The following SLC41A3 variants were observed in gnomAD, a reference collection of about 807,000 sequenced individuals.
The protein encoded by SLC41A3 is solute carrier family 41 member 3.
Under a neutral mutation model 45.4 loss-of-function variants are expected in SLC41A3, and 44 were observed. That is an observed-to-expected ratio of 0.97 (90% CI 0.76 to 1.25). The LOEUF (loss-of-function observed/expected upper bound fraction) is 1.25, where lower values mean the gene tolerates loss of function less well. Ranked by LOEUF, SLC41A3 falls within the 50% of genes most tolerant of loss-of-function variation. SLC41A3 has a pLI of 0.00. For synonymous variants in SLC41A3, 256 were observed against 252.4 expected, an observed-to-expected ratio of 1.01 and a Z score of -0.13; for missense variants, 550 against 600.6, an observed-to-expected ratio of 0.92 and a Z score of 0.88.
upstream of SLC41A3, chr3:126,084,326 G>A (rs958458506): frequency 1.3e-5 from 2 of 152,154 alleles, no homozygotes; most frequent in African/African-American, 4.8e-5. Context: ...GACGGAAGTG[G>A]GGGACCGAGT....
chr3:126,049,446 C>T (rs1230909891), intron 3 of SLC41A3, among the ~76,000 whole-genome samples: 3 of 152,108 alleles, frequency 2.0e-5, no homozygotes, highest in Non-Finnish European at 4.4e-5. Flanking sequence ...GAGATCATGC[C>T]ACTGGACTCT....
chr3:126,030,864 T>C (rs1340550412), intron 4 of SLC41A3, among the ~76,000 whole-genome samples: 1 of 152,230 alleles, frequency 6.6e-6, no homozygotes, highest in African/African-American at 2.4e-5. Flanking sequence ...TCTTATACAT[T>C]GAAGGGGGTC....
intron 4 of SLC41A3, among the ~76,000 whole-genome samples, chr3:126,029,868 A>T (rs1941666574): frequency 6.6e-6 from 1 of 152,158 alleles, no homozygotes; most frequent in Admixed American, 6.5e-5. Flanking sequence ...ACAGCCCCAT[A>T]AAAGAACCAT....
At chr3:126,091,989 T>C (rs1182216000) in intron 1 of SLC41A3, among the ~76,000 whole-genome samples, 1 of 152,120 alleles carries the variant, frequency 6.6e-6, no homozygotes, top group Non-Finnish European at 1.5e-5. Context: ...CTGAACTACT[T>C]TTTCAGGTTA....
At chr3:126,015,859 G>A (rs1456510403) in intron 7 of SLC41A3, among the ~76,000 whole-genome samples, 2 of 152,166 alleles carry the variant, frequency 1.3e-5, no homozygotes, top group Non-Finnish European at 2.9e-5. Flanking sequence ...CACACAGCTG[G>A]CTGGGCTGTC....
chr3:126,070,054 T>C (rs938569653), intron 1 of SLC41A3: 1 of 151,522 alleles, frequency 6.6e-6, no homozygotes, highest in South Asian at 2.1e-4. Flanking sequence ...TGAAAAATAA[T>C]GGGCAAAAAC....
chr3:126,089,897 G>A (rs1043213745), intron 1 of SLC41A3, among the ~76,000 whole-genome samples: 1 of 152,172 alleles, frequency 6.6e-6, no homozygotes, highest in East Asian at 1.9e-4. Context: ...CTAACTCTGG[G>A]AGGAGTTGCT....
upstream of SLC41A3, among the ~76,000 whole-genome samples, chr3:126,084,962 A>T (rs1055676050): frequency 1.3e-5 from 2 of 152,100 alleles, no homozygotes; most frequent in African/African-American, 4.8e-5. Flanking sequence ...GATAAGAAAC[A>T]TTTTACAGCC....
At chr3:126,076,375 T>C (rs537614626) in intron 1 of SLC41A3, among the ~76,000 whole-genome samples, 2 of 152,336 alleles carry the variant, frequency 1.3e-5, no homozygotes, top group East Asian at 1.9e-4. Context: ...TTCAATTACA[T>C]GGACATATCA....
chr3:126,025,483 G>A (rs1576244236), intron 5 of SLC41A3: 2 of 152,306 alleles, frequency 1.3e-5, no homozygotes, highest in South Asian at 4.2e-4. Flanking sequence ...ATGGGAAGGG[G>A]AGAGAGGACG....
At chr3:126,084,290 G>C (rs1444969595), upstream of SLC41A3, 1 of 152,116 alleles carries the variant, frequency 6.6e-6, no homozygotes, top group East Asian at 1.9e-4. Context: ...CGGGGGCCCG[G>C]GGGGCTGGGA....
intron 2 of SLC41A3, among the ~76,000 whole-genome samples, chr3:126,059,307 A>AAAGAAAGAAAGAAAGGAAGG (rs1559870097): frequency 3.0e-4 from 18 of 59,442 alleles, no homozygotes; most frequent in Admixed American, 2.2e-3. Flanking sequence ...AGAAAGAAAG[A>AAAGAAAGAAAGAAAGGAAGG]AAGGAAGGAT....
intron 1 of SLC41A3, among the ~76,000 whole-genome samples, chr3:126,068,619 C>A (rs1434052211): frequency 6.6e-6 from 1 of 152,196 alleles, no homozygotes; most frequent in East Asian, 1.9e-4. Context: ...AATACCCATT[C>A]AAGAAAAATT....
chr3:126,087,779 T>C (rs886276477), upstream of SLC41A3, among the ~76,000 whole-genome samples: 5 of 121,772 alleles, frequency 4.1e-5, no homozygotes, highest in Admixed American at 8.1e-5. Context: ...ATAAGGTTAG[T>C]AAAAGGAATT....
chr3:126,041,043 A>G (rs185490820), intron 3 of SLC41A3, among the ~76,000 whole-genome samples: 27 of 152,348 alleles, frequency 1.8e-4, no homozygotes, highest in Admixed American at 1.6e-3. Flanking sequence ...TCCAGAAAGT[A>G]CATACTTAAT....
intron 2 of SLC41A3, among the ~76,000 whole-genome samples, 157 bp downstream of exon 2, chr3:126,067,790 G>C (rs1203877290): frequency 1.3e-5 from 2 of 151,658 alleles, no homozygotes; most frequent in Non-Finnish European, 2.9e-5. Flanking sequence ...TCTGTCACCA[G>C]AGACTAAAAG....
intron 3 of SLC41A3, among the ~76,000 whole-genome samples, chr3:126,046,476 A>C (rs186032140): frequency 1.6e-3 from 237 of 152,298 alleles, no homozygotes; most frequent in African/African-American, 5.1e-3. Context: ...TGAATAATTC[A>C]AAAAAGAACT....
At chr3:126,085,822 T>G (rs1945371740), upstream of SLC41A3, among the ~76,000 whole-genome samples, 1 of 150,214 alleles carries the variant, frequency 6.7e-6, no homozygotes, top group East Asian at 2.0e-4. Flanking sequence ...TGGGAGTGTC[T>G]GGGGGGGGGT....
chr3:126,024,797 TGGA>T (rs1941200936), intron 5 of SLC41A3: 1 of 152,290 alleles, frequency 6.6e-6, no homozygotes, highest in South Asian at 2.1e-4. Context: ...AGGAGAGAGC[TGGA>T]GGAGAGTCCA....
Sources: gnomAD v4.1 joint callset for allele counts (sites outside exome capture counted in the v4.1 genomes callset) on GRCh38, gnomAD v4.1.1 for gene constraint, MANE v1.5 for transcripts, NCBI Gene and HGNC (gene_info 2026-07-23, HGNC 2026-07-21) for gene names.